Variants in PARVA observed in about 807,000 individuals in gnomAD.
PARVA encodes alpha-parvin.
A neutral mutation model predicts 52.6 loss-of-function variants in PARVA; 25 were observed. The ratio of observed to expected loss-of-function variants is 0.48; its 90% confidence interval spans 0.35 to 0.66. PARVA has a LOEUF of 0.66. Among genes scored for constraint, PARVA ranks in the 30% least tolerant of loss-of-function variants. The pLI is 0.01. For missense variants in PARVA, 373 were observed against 450.9 expected (o/e 0.83, Z 1.56); for synonymous variants, 185 against 179.1 (o/e 1.03, Z -0.26).
chr11:12,416,080 T>A (rs1589949269), intron 1 of PARVA, among the ~76,000 whole-genome samples: 1 of 151,946 alleles, frequency 6.6e-6, no homozygotes. Flanking sequence ...GGGAAAGAGG[T>A]TGAAAGTGGA....
intron 1 of PARVA, among the ~76,000 whole-genome samples, chr11:12,399,212 G>T (rs76426229): frequency 0.02 from 3,078 of 152,162 alleles, 115 homozygotes; most frequent in African/African-American, 0.071. Flanking sequence ...ACTTTTCTCT[G>T]TTTTCTTTCA....
intron 1 of PARVA, among the ~76,000 whole-genome samples, chr11:12,397,220 T>C (rs1443643591): frequency 6.6e-6 from 1 of 152,158 alleles, no homozygotes; most frequent in Non-Finnish European, 1.5e-5. Context: ...TTTAATCATA[T>C]CTTTCATTTA....
At chr11:12,448,012 A>T (rs1057332335) in intron 1 of PARVA, among the ~76,000 whole-genome samples, 2 of 152,238 alleles carry the variant, frequency 1.3e-5, no homozygotes, top group African/African-American at 4.8e-5. Flanking sequence ...ATAAACCTTC[A>T]GCATTAGTTC....
intron 1 of PARVA, among the ~76,000 whole-genome samples, chr11:12,453,870 G>A (rs1449369996): frequency 6.6e-6 from 1 of 152,182 alleles, no homozygotes; most frequent in African/African-American, 2.4e-5. Flanking sequence ...CCAAGGGATG[G>A]CCATGGTGAG....
intron 5 of PARVA, among the ~76,000 whole-genome samples, chr11:12,502,127 G>A (rs969120082): frequency 6.6e-6 from 1 of 152,112 alleles, no homozygotes; most frequent in Non-Finnish European, 1.5e-5. Context: ...TAGTTAACAA[G>A]GCCCGAAAGC....
chr11:12,395,872 C>A (rs1055197565), intron 1 of PARVA, among the ~76,000 whole-genome samples: 1 of 152,166 alleles, frequency 6.6e-6, no homozygotes, highest in African/African-American at 2.4e-5. Flanking sequence ...CAATTAAAAC[C>A]CTGCTTTCCT....
At chr11:12,412,962 T>C (rs190173889) in intron 1 of PARVA, among the ~76,000 whole-genome samples, 1 of 152,334 alleles carries the variant, frequency 6.6e-6, no homozygotes, top group South Asian at 2.1e-4. Context: ...TCTGAAATAA[T>C]GAAGCTGGAA....
Position 12,426,433 on chromosome 11 carries a change from T to C in PARVA, c.137-47312T>C, listed in dbSNP as rs370747005. Among the ~76,000 whole-genome samples the C allele has an allele frequency of 4.6e-5, 7 of 152,178 alleles. No individual in the cohort carries two copies. The East Asian group carries it at 7.8e-4, about 17-fold the overall frequency. ...GCATGGGGTGAGGCAGGCCCTGATC[T>C]TGAAGACCCTTATGATCCAGGGCAG... On this transcript the variant is annotated intron_variant, in intron 1 of 12. Transcript: ENST00000334956.
At chr11:12,496,345 A>AGAATGCATGCATGCAT in intron 4 of PARVA, 113 bp from the exon 5 acceptor site, 1 of 861,990 alleles carries the variant, frequency 1.2e-6, no homozygotes. Context: ...TATTGTTGCA[A>AGAATGCATGCATGCAT]GAGTGCATGC....
chr11:12,428,373 C>G (rs1416480915), intron 1 of PARVA, among the ~76,000 whole-genome samples: 2 of 152,186 alleles, frequency 1.3e-5, no homozygotes, highest in African/African-American at 2.4e-5. Flanking sequence ...AGATCTATAA[C>G]TAAATGCTAA....
intron 7 of PARVA, among the ~76,000 whole-genome samples, chr11:12,509,045 T>TA (rs1471248682): frequency 1.3e-5 from 2 of 151,818 alleles, no homozygotes; most frequent in Non-Finnish European, 2.9e-5. Flanking sequence ...AAAGCCTCTC[T>TA]ACCTTAGATT....
At chr11:12,404,273 A>AG (rs1939871482) in intron 1 of PARVA, among the ~76,000 whole-genome samples, 2 of 152,290 alleles carry the variant, frequency 1.3e-5, no homozygotes, top group Admixed American at 1.3e-4. Flanking sequence ...AGGATATTCC[A>AG]GGGTACCAGT....
rs781246322 is a variant in PARVA at position 12,504,399 on chromosome 11, C to A, written c.627C>A (p.Asp209Glu). ...QYFRAPIRLP[D>E]HVSIQVVVVQ... ...TCCGCGCACCAATTCGACTCCCAGA[C>A]CATGTTTCCATCCAAGTGGTTGTGG... Residue 209 changes from aspartate (D) to glutamate (E), a missense_variant, in exon 6 of 13, where the codon GAC (aspartate) becomes GAA (glutamate). Transcript: ENST00000334956. 28 of 1,613,058 alleles carry A rather than the reference C, an allele frequency of 1.7e-5. No homozygotes were observed. The highest frequency in any genetic ancestry group is 2.3e-5 in the Non-Finnish European group (27 of 1,179,052).
chr11:12,435,031 T>C (rs542049459), intron 1 of PARVA, among the ~76,000 whole-genome samples: 1 of 152,178 alleles, frequency 6.6e-6, no homozygotes, highest in Non-Finnish European at 1.5e-5. Context: ...ATAGATAAGG[T>C]GCTGCTTTTT....
At chr11:12,393,044 G>GAAAAAAAAA (rs60966710) in intron 1 of PARVA, among the ~76,000 whole-genome samples, 1 of 46,128 alleles carries the variant, frequency 2.2e-5, no homozygotes, top group Non-Finnish European at 5.1e-5. Flanking sequence ...CCCAAATTGT[G>GAAAAAAAAA]AAAAAAAAAA....
At chr11:12,514,478 T>C (rs1027271975) in intron 10 of PARVA, among the ~76,000 whole-genome samples, 2 of 152,136 alleles carry the variant, frequency 1.3e-5, no homozygotes, top group African/African-American at 4.8e-5. Context: ...TTCGACTGTT[T>C]TTGTTTTCTG....
intron 1 of PARVA, among the ~76,000 whole-genome samples, chr11:12,402,487 G>GTCT (rs1326439388): frequency 6.6e-6 from 1 of 152,178 alleles, no homozygotes; most frequent in African/African-American, 2.4e-5. Context: ...TTCCCCCTTG[G>GTCT]TCACAAGAAG....
chr11:12,417,389 A>G (rs1386559748), intron 1 of PARVA, among the ~76,000 whole-genome samples: 3 of 152,218 alleles, frequency 2.0e-5, no homozygotes, highest in Non-Finnish European at 4.4e-5. Flanking sequence ...TGCTATATTA[A>G]CTGAAACTTT....
At chr11:12,514,307 G>C (rs1355454055) in intron 10 of PARVA, among the ~76,000 whole-genome samples, 1 of 152,122 alleles carries the variant, frequency 6.6e-6, no homozygotes, top group African/African-American at 2.4e-5. Flanking sequence ...TTAATATTTG[G>C]CCACACCTCT....
Sources: gnomAD v4.1 joint callset for allele counts (sites outside exome capture counted in the v4.1 genomes callset) on GRCh38, gnomAD v4.1.1 for gene constraint, MANE v1.5 for transcripts, NCBI Gene and HGNC (gene_info 2026-07-23, HGNC 2026-07-21) for gene names.